Variants in MBNL1 observed in about 807,000 individuals in gnomAD.
The protein encoded by MBNL1 is muscleblind like splicing regulator 1, also known as muscleblind-like protein 1.
In MBNL1, 8 loss-of-function variants were observed where a neutral mutation model predicts 42.2. The observed-to-expected ratio is 0.19, with a 90% CI of 0.11 to 0.34. MBNL1 has a LOEUF of 0.34. Ranked by LOEUF, MBNL1 falls within the 10% of genes least tolerant of loss-of-function variation. The pLI is 1.00. For missense variants in MBNL1, 309 were observed against 495.3 expected, an observed-to-expected ratio of 0.62 and a Z score of 3.57; for synonymous variants, 169 against 173.9, an observed-to-expected ratio of 0.97 and a Z score of 0.22.
intron 2 of MBNL1, among the ~76,000 whole-genome samples, chr3:152,397,007 C>T (rs183573956): frequency 6.6e-6 from 1 of 152,214 alleles, no homozygotes; most frequent in Admixed American, 6.5e-5. Context: ...CAGAAATACA[C>T]TCATGGTAAG....
chr3:152,458,962 T>C (rs1393990321), intron 8 of MBNL1: 1 of 201,844 alleles, frequency 5.0e-6, no homozygotes, highest in African/African-American at 2.3e-5. Flanking sequence ...GGTGCGTGTG[T>C]GTGTGTGTGT....
Position 152,432,763 on chromosome 3 carries a change from C to G in MBNL1, c.392C>G (p.Ala131Gly). 2 of 1,614,210 alleles carry G rather than the reference C, an allele frequency of 1.2e-6. No homozygotes were observed. Among genetic ancestry groups the G allele is most frequent in the Non-Finnish European group, 1.7e-6 (2 of 1,180,032 alleles). Residue 131 changes from alanine (A) to glycine (G), a missense_variant, in exon 4 of 10, where the codon GCC becomes GGC. Physicochemically the swap from Ala to Gly is moderately conservative, Grantham distance 60. Transcript: ENST00000324210. ...APSLATNASA[A>G]AFNPYLGPVS... ...AGCTTAGCCACCAATGCATCAGCAG[C>G]CGCCTTTAATCCCTATCTGGGACCT...
chr3:152,418,319 G>A (rs1408501532), intron 3 of MBNL1, among the ~76,000 whole-genome samples: 1 of 152,096 alleles, frequency 6.6e-6, no homozygotes, highest in African/African-American at 2.4e-5. Context: ...CTCATGATGT[G>A]GAAGCACCTA....
intron 4 of MBNL1, among the ~76,000 whole-genome samples, chr3:152,442,072 C>T (rs533044011): frequency 3.3e-5 from 5 of 152,328 alleles, no homozygotes; most frequent in African/African-American, 1.2e-4. Flanking sequence ...GGATTACCAG[C>T]TTGAGCCACC....
intron 2 of MBNL1, among the ~76,000 whole-genome samples, chr3:152,376,533 CA>C (rs2096909260): frequency 6.6e-6 from 1 of 152,078 alleles, no homozygotes; most frequent in South Asian, 2.1e-4. Context: ...TTATGGTGGA[CA>C]AGACTTGCTG....
chr3:152,280,634 C>T (rs1259011302), intron 1 of MBNL1, among the ~76,000 whole-genome samples: 3 of 152,028 alleles, frequency 2.0e-5, no homozygotes, highest in Admixed American at 6.6e-5. Flanking sequence ...GAGAGAGGTG[C>T]GTTGTATTTA....
intron 2 of MBNL1, among the ~76,000 whole-genome samples, chr3:152,317,418 TA>T (rs2152302794): frequency 6.6e-6 from 1 of 152,130 alleles, no homozygotes; most frequent in East Asian, 1.9e-4. Context: ...TTCCTGGGTT[TA>T]AGTGATTCTC....
At chr3:152,372,442 T>G (rs1337661119) in intron 2 of MBNL1, among the ~76,000 whole-genome samples, 2 of 152,220 alleles carry the variant, frequency 1.3e-5, no homozygotes, top group Admixed American at 1.3e-4. Flanking sequence ...TTTATCTGCC[T>G]TTGGTCTTTG....
chr3:152,327,371 C>G (rs2081066612), intron 2 of MBNL1, among the ~76,000 whole-genome samples: 1 of 151,672 alleles, frequency 6.6e-6, no homozygotes, highest in South Asian at 2.1e-4. Context: ...TTATTTGAGA[C>G]AGACTCTCAC....
chr3:152,361,036 A>G (rs978161815), intron 2 of MBNL1, among the ~76,000 whole-genome samples: 1 of 152,160 alleles, frequency 6.6e-6, no homozygotes, highest in African/African-American at 2.4e-5. Flanking sequence ...TATTTTAGAT[A>G]TATATGATAT....
chr3:152,284,249 TA>T (rs1449742777), intron 1 of MBNL1, among the ~76,000 whole-genome samples: 2 of 151,984 alleles, frequency 1.3e-5, no homozygotes, highest in Non-Finnish European at 2.9e-5. Flanking sequence ...AAAGAAAACC[TA>T]AAAAAAGAAG....
chr3:152,257,511 C>A (rs1253950898), intron 2 of MBNL1, among the ~76,000 whole-genome samples: 3 of 152,006 alleles, frequency 2.0e-5, no homozygotes, highest in Non-Finnish European at 4.4e-5. Flanking sequence ...AAAAAAAAAT[C>A]TCTCAAAAGT....
chr3:152,315,076 G>A (rs1235257698), intron 2 of MBNL1, among the ~76,000 whole-genome samples: 2 of 152,234 alleles, frequency 1.3e-5, no homozygotes, highest in African/African-American at 2.4e-5. Context: ...TCTGTTCAAA[G>A]GGGATGCTTG....
intron 1 of MBNL1, among the ~76,000 whole-genome samples, chr3:152,295,421 TG>T (rs769940710): frequency 6.6e-6 from 1 of 152,226 alleles, no homozygotes; most frequent in East Asian, 1.9e-4. Flanking sequence ...ATTGTCTGGA[TG>T]CCATAGATCA....
chr3:152,446,517 T>C (rs1476204357), intron 5 of MBNL1, among the ~76,000 whole-genome samples: 3 of 152,174 alleles, frequency 2.0e-5, no homozygotes, highest in Non-Finnish European at 4.4e-5. Flanking sequence ...AGTGCCTTTA[T>C]TGTGCATGCT....
intron 9 of MBNL1, among the ~76,000 whole-genome samples, chr3:152,461,383 C>T (rs1314041837): frequency 1.3e-5 from 2 of 152,164 alleles, no homozygotes; most frequent in Non-Finnish European, 1.5e-5. Flanking sequence ...AGAGGCATTA[C>T]TTTGCAGTGT....
rs117406232 is a variant in MBNL1 at position 152,331,586 on chromosome 3, C to T, written c.174+31219C>T. Among the ~76,000 whole-genome samples the T allele has an allele frequency of 8.0e-4, 121 of 151,910 alleles. No individual in the cohort carries two copies. The East Asian group carries it at 0.021, about 27-fold the overall frequency. Reference sequence around the variant, plus strand: ...TATGCTTATTAATTCATTTATTTCTCGGTAAAGCCATGTCCAAGGAATTAA... The same window carrying T: ...TATGCTTATTAATTCATTTATTTCTTGGTAAAGCCATGTCCAAGGAATTAA... On this transcript the variant is annotated intron_variant, in intron 2 of 9. Coordinates refer to ENST00000324210, the MANE Select transcript of MBNL1 (RefSeq NM_021038.5).
chr3:152,412,656 G>A (rs1356279421), intron 2 of MBNL1, among the ~76,000 whole-genome samples: 1 of 152,138 alleles, frequency 6.6e-6, no homozygotes, highest in Non-Finnish European at 1.5e-5. Flanking sequence ...CAGAATATAC[G>A]TATACCAAAC....
intron 2 of MBNL1, among the ~76,000 whole-genome samples, chr3:152,395,954 AT>A (rs1327484203): frequency 9.2e-5 from 14 of 152,164 alleles, no homozygotes; most frequent in Non-Finnish European, 2.1e-4. Context: ...TGAGTGGCTG[AT>A]GAGTGGATGA....
Sources: gnomAD v4.1 joint callset for allele counts (sites outside exome capture counted in the v4.1 genomes callset) on GRCh38, gnomAD v4.1.1 for gene constraint, MANE v1.5 for transcripts, NCBI Gene and HGNC (gene_info 2026-07-23, HGNC 2026-07-21) for gene names.